Variants in UGT1A8 observed in about 807,000 individuals in gnomAD.
UGT1A8 encodes the protein UDP-glucuronosyltransferase 1A8.
UGT1A8 carries 39 observed loss-of-function variants against 45.3 expected under a neutral mutation model. That is an observed-to-expected ratio of 0.86 (90% CI 0.67 to 1.12). The LOEUF is 1.12. Ranked by LOEUF, UGT1A8 falls within the 50% of genes most tolerant of loss-of-function variation. The pLI is 0.00. For synonymous variants in UGT1A8, 275 were observed against 249.2 expected (o/e 1.10, Z -0.97); for missense variants, 719 against 664.9 (o/e 1.08, Z -0.90).
intron 1 of UGT1A8, among the ~76,000 whole-genome samples, chr2:233,701,610 C>A (rs1237229756): frequency 2.0e-5 from 3 of 152,314 alleles, no homozygotes; most frequent in Admixed American, 6.5e-5. Context: ...CACTCCTCAG[C>A]AAACGTAAAA....
chr2:233,636,890 A>T (rs2073306288), intron 1 of UGT1A8: 1 of 1,613,984 alleles, frequency 6.2e-7, no homozygotes, highest in Non-Finnish European at 8.5e-7. Flanking sequence ...TTTTTTTCGC[A>T]TTGCAGGAGT....
At chr2:233,752,385 CAG>C (rs1206895244) in intron 1 of UGT1A8, 1 of 152,142 alleles carries the variant, frequency 6.6e-6, no homozygotes, top group Non-Finnish European at 1.5e-5. Flanking sequence ...ATCTTTGCAA[CAG>C]AGGAAATGCC....
rs28969677 is a variant in UGT1A8, at chr2:233,624,945, A to G, written c.855+6383A>G. On this transcript the variant is annotated intron_variant, in intron 1 of 4. Coordinates refer to ENST00000373450, the MANE Select transcript of UGT1A8 (RefSeq NM_019076.5). ...CAATTTTTAATTGTTCATTGCTAGT[A>G]TAGTTGACCCCTGAACAATGTGGGA... Among the ~76,000 whole-genome samples, 467 of 152,188 alleles carry G rather than the reference A, an allele frequency of 3.1e-3. 3 individuals are homozygous for G. Among genetic ancestry groups the G allele is most frequent in the African/African-American group, 0.011 (445 of 41,546 alleles).
intron 1 of UGT1A8, among the ~76,000 whole-genome samples, chr2:233,619,475 G>A (rs2072960908): frequency 6.6e-6 from 1 of 152,106 alleles, no homozygotes; most frequent in Non-Finnish European, 1.5e-5. Context: ...TACATGTAGG[G>A]TTAGAGGGTT....
In UGT1A8 at chr2:233,728,991, T is replaced by C. The variant is rs868429591; in HGVS notation, c.856-38043T>C. On this transcript the variant is annotated intron_variant, in intron 1 of 4. Transcript: ENST00000373450. ...GATAGATTAATGGTTAATAATTAAC[T>C]AGAGGAGGGCACTCTGTCTTCCAAT... 5.2e-5 allele frequency: 80 copies of C among 1,542,528 alleles called. No homozygotes were observed. The African/African-American group carries it at 1.0e-3, about 20-fold the overall frequency.
At chr2:233,675,874 A>G (rs1050694557) in intron 1 of UGT1A8, among the ~76,000 whole-genome samples, 2 of 152,228 alleles carry the variant, frequency 1.3e-5, no homozygotes. Flanking sequence ...TTTGTTACAT[A>G]GCCACAATAT....
intron 1 of UGT1A8, among the ~76,000 whole-genome samples, chr2:233,739,955 T>C (rs2125826386): frequency 6.6e-6 from 1 of 152,058 alleles, no homozygotes; most frequent in South Asian, 2.1e-4. Flanking sequence ...TGGTGGGAGC[T>C]GATTGAATCA....
intron 1 of UGT1A8, among the ~76,000 whole-genome samples, chr2:233,731,284 CT>C (rs78127606): frequency 0.15 from 20,469 of 139,534 alleles, 1,444 homozygotes; most frequent in East Asian, 0.21. Context: ...GTTTTTCTTT[CT>C]TTTTTTTTTT....
At chr2:233,682,442 G>A (rs1559339683) in intron 1 of UGT1A8, 8 of 1,613,664 alleles carry the variant, frequency 5.0e-6, no homozygotes, top group Middle Eastern at 3.3e-4. Flanking sequence ...TGTGGTCTTC[G>A]CCAGGGGAAT....
At chr2:233,689,772 G>C in intron 1 of UGT1A8, 1 of 320,484 alleles carries the variant, frequency 3.1e-6, no homozygotes, top group Non-Finnish European at 6.2e-6. Flanking sequence ...ACAACTCGGG[G>C]ACATATGTTA....
chr2:233,689,691 G>C (rs1033549121), intron 1 of UGT1A8, among the ~76,000 whole-genome samples: 1 of 152,206 alleles, frequency 6.6e-6, no homozygotes, highest in Non-Finnish European at 1.5e-5. Flanking sequence ...TCAGAGTTCA[G>C]TCGTTATTTC....
At chr2:233,719,666 C>CA in intron 1 of UGT1A8, 22 of 1,614,092 alleles carry the variant, frequency 1.4e-5, no homozygotes, top group Non-Finnish European at 1.9e-5. Context: ...TCAACTGTGC[C>CA]AACGGGAAGC....
At chr2:233,729,950 T>C (rs1336852527) in intron 1 of UGT1A8, 2 of 1,613,962 alleles carry the variant, frequency 1.2e-6, no homozygotes, top group Non-Finnish European at 1.7e-6. Context: ...AACATGGTCT[T>C]CATTGGGGGC....
At chr2:233,629,921 G>C (rs1006685326) in intron 1 of UGT1A8, among the ~76,000 whole-genome samples, 3 of 151,962 alleles carry the variant, frequency 2.0e-5, no homozygotes, top group Non-Finnish European at 4.4e-5. Flanking sequence ...GCATAAACTT[G>C]TTCATGTTAT....
intron 1 of UGT1A8, chr2:233,636,956 T>C: frequency 6.2e-7 from 1 of 1,614,146 alleles, no homozygotes; most frequent in Non-Finnish European, 8.5e-7. Flanking sequence ...TTTGATGCAG[T>C]GTTTCTGGAT....
chr2:233,654,334 A>C (rs950078690), intron 1 of UGT1A8, among the ~76,000 whole-genome samples: 4 of 152,182 alleles, frequency 2.6e-5, no homozygotes, highest in Non-Finnish European at 5.9e-5. Flanking sequence ...TCAGAATTCA[A>C]CCTTCAGGAT....
chr2:233,632,806 A>T (rs1221516846), intron 1 of UGT1A8, among the ~76,000 whole-genome samples: 1 of 152,092 alleles, frequency 6.6e-6, no homozygotes, highest in African/African-American at 2.4e-5. Flanking sequence ...CTCTCTTCCT[A>T]TTTGAATACC....
chr2:233,640,630 GGA>G (rs2073426007), intron 1 of UGT1A8, among the ~76,000 whole-genome samples: 1 of 152,088 alleles, frequency 6.6e-6, no homozygotes, highest in Non-Finnish European at 1.5e-5. Flanking sequence ...CATTCAAATG[GGA>G]GAGAACAGTC....
At position 233,672,058 on chromosome 2, in the gene UGT1A8, A is replaced by C. The variant is rs750286348; in HGVS notation, c.855+53496A>C. On this transcript the variant is annotated intron_variant, in intron 1 of 4. Coordinates refer to ENST00000373450, the MANE Select transcript of UGT1A8 (RefSeq NM_019076.5). ...GGATGGGAGCCACTGGTTCACCATG[A>C]GGTCGGTGGTGGAGAAACTCATTCT... The C allele has an allele frequency of 8.2e-5, 132 of 1,613,994 alleles. No homozygotes were observed. In the Admixed American group the frequency reaches 2.1e-3, roughly 25 times the overall value.
Sources: gnomAD v4.1 joint callset for allele counts (sites outside exome capture counted in the v4.1 genomes callset) on GRCh38, gnomAD v4.1.1 for gene constraint, MANE v1.5 for transcripts, NCBI Gene and HGNC (gene_info 2026-07-23, HGNC 2026-07-21) for gene names.